EFCAB7: variants seen among roughly 807,000 people sequenced by gnomAD.
The protein encoded by EFCAB7 is EF-hand calcium binding domain 7.
EFCAB7 carries 66 observed loss-of-function variants against 77.1 expected under a neutral mutation model. That is an observed-to-expected ratio of 0.86 (90% CI 0.70 to 1.05). The LOEUF is 1.05. Ranked by LOEUF, EFCAB7 falls within the 50% of genes least tolerant of loss-of-function variation. The pLI is 0.00. For synonymous variants in EFCAB7, 225 were observed against 243.3 expected, an observed-to-expected ratio of 0.92 and a Z score of 0.70; for missense variants, 638 against 730.5, an observed-to-expected ratio of 0.87 and a Z score of 1.46.
intron 1 of EFCAB7, 127 bp from the exon 2 acceptor site, chr1:63,525,445 A>C: frequency 2.9e-6 from 2 of 685,634 alleles, no homozygotes; most frequent in Non-Finnish European, 4.5e-6. Context: ...TGATCTTTTC[A>C]TATATGTTAT....
intron 11 of EFCAB7, among the ~76,000 whole-genome samples, chr1:63,562,449 T>TTATATATATATATA (rs869302346): frequency 7.1e-4 from 16 of 22,456 alleles, no homozygotes; most frequent in East Asian, 1.7e-3. Flanking sequence ...CTTAATTTAT[T>TTATATATATATATA]TATATATATA....
chr1:63,545,852 A>G, intron 6 of EFCAB7, 64 bp from the exon 7 acceptor site: 1 of 1,380,258 alleles, frequency 7.2e-7, no homozygotes, highest in Non-Finnish European at 1.0e-6. Context: ...TTTTCTCCTC[A>G]TTACTATGCA....
At chr1:63,555,284 A>G in intron 8 of EFCAB7, 74 bp from the exon 9 acceptor site, 7 of 1,462,640 alleles carry the variant, frequency 4.8e-6, no homozygotes, top group Non-Finnish European at 5.5e-6. Flanking sequence ...TTCAGAAGAA[A>G]TATTAAAAGC....
In EFCAB7 at chr1:63,531,493, T is replaced by C. The variant is rs189473907; in HGVS notation, c.188-327T>C. ...TGGTTGTTTTTAATCTTGTATTTCC[T>C]TTAGAAGCTTTTAGAAGCTCTTAAG... On this transcript the variant is annotated intron_variant, in intron 2 of 13. Transcript: ENST00000371088. 1.3e-3 allele frequency among the ~76,000 whole-genome samples: 203 copies of C among 152,276 alleles called. 1 individual carries two copies. In the Middle Eastern group the frequency reaches 0.02, roughly 15 times the overall value.
At chr1:63,552,624 G>A (rs1646979749) in intron 8 of EFCAB7, among the ~76,000 whole-genome samples, 1 of 152,140 alleles carries the variant, frequency 6.6e-6, no homozygotes, top group African/African-American at 2.4e-5. Flanking sequence ...TATTTACTCA[G>A]AGGCCAAATA....
chr1:63,575,490 T>A (rs75460053), downstream of EFCAB7, among the ~76,000 whole-genome samples: 2 of 152,140 alleles, frequency 1.3e-5, no homozygotes, highest in African/African-American at 4.8e-5. Context: ...ATGGATAGTA[T>A]TATATTTCTC....
chr1:63,553,023 T>C (rs9436249), intron 8 of EFCAB7, among the ~76,000 whole-genome samples: 7,523 of 152,292 alleles, frequency 0.049, 654 homozygotes, highest in African/African-American at 0.17. Flanking sequence ...AAAATTATAA[T>C]AGAGTTTGCA....
chr1:63,576,778 G>GTGAGCTGAGA (rs1287672545), downstream of EFCAB7, among the ~76,000 whole-genome samples: 1 of 152,106 alleles, frequency 6.6e-6, no homozygotes, highest in Non-Finnish European at 1.5e-5. Context: ...AGAGTTTGCA[G>GTGAGCTGAGA]TGAGCTGAGA....
intron 12 of EFCAB7, 121 bp from the exon 13 acceptor site, chr1:63,570,900 G>A (rs981259919): frequency 4.0e-6 from 2 of 497,572 alleles, no homozygotes; most frequent in African/African-American, 2.0e-5. Flanking sequence ...TAGCCAATTT[G>A]TATGAATTTG....
At chr1:63,569,842 A>G (rs1409345147) in intron 12 of EFCAB7, 1 of 152,142 alleles carries the variant, frequency 6.6e-6, no homozygotes, top group Non-Finnish European at 1.5e-5. Context: ...GGTGATTCCT[A>G]AGATGCATCA....
intron 13 of EFCAB7, among the ~76,000 whole-genome samples, chr1:63,572,008 A>G (rs1416570290): frequency 6.6e-6 from 1 of 152,184 alleles, no homozygotes; most frequent in African/African-American, 2.4e-5. Context: ...CAATAGAGCT[A>G]CCTACTGGGC....
chr1:63,530,836 A>C (rs1457401948), intron 2 of EFCAB7, among the ~76,000 whole-genome samples: 1 of 152,220 alleles, frequency 6.6e-6, no homozygotes, highest in Non-Finnish European at 1.5e-5. Flanking sequence ...GTATTCTTAA[A>C]TGAATGATTT....
intron 1 of EFCAB7, 35 bp from the exon 2 acceptor site, chr1:63,525,537 A>C (rs775096790): frequency 7.0e-7 from 1 of 1,422,130 alleles, no homozygotes; most frequent in Non-Finnish European, 9.2e-7. Flanking sequence ...AGTGACTCAC[A>C]TTGACAAACA....
chr1:63,537,981 GT>G (rs1342151200), intron 6 of EFCAB7, among the ~76,000 whole-genome samples: 2 of 152,034 alleles, frequency 1.3e-5, no homozygotes, highest in African/African-American at 4.8e-5. Flanking sequence ...TGATGTATTT[GT>G]TTTGATAACA....
the EFCAB7 span, among the ~76,000 whole-genome samples, chr1:63,585,283 G>A: frequency 1.3e-5 from 2 of 151,804 alleles, no homozygotes; most frequent in African/African-American, 2.4e-5. Context: ...TCAAATTTAT[G>A]TGCATAGAAT....
chr1:63,571,146 A>G lies in EFCAB7; in HGVS notation c.1815+18A>G, dbSNP rs779771390. 3.2e-6 allele frequency: 5 copies of G among 1,556,190 alleles called. No homozygotes were observed. The highest frequency in any genetic ancestry group is 4.4e-6 in the Non-Finnish European group (5 of 1,142,012). ...CTACAATGGTAATGTATTATTTTCT[A>G]ATTAAAGCCTTTTGTTTTATGTCTT... is the stretch of plus-strand genomic sequence containing the variant. On this transcript the variant is annotated intron_variant, in intron 13 of 13. Coordinates refer to ENST00000371088, the MANE Select transcript of EFCAB7 (RefSeq NM_032437.4).
intron 8 of EFCAB7, 37 bp from the exon 9 acceptor site, chr1:63,555,321 G>T: frequency 6.4e-7 from 1 of 1,573,962 alleles, no homozygotes; most frequent in South Asian, 1.2e-5. Flanking sequence ...AAAAGATTAA[G>T]ACTGATGATT....
chr1:63,532,631 T>C (rs1350719932), intron 3 of EFCAB7, 39 bp from the exon 4 acceptor site: 1 of 1,522,110 alleles, frequency 6.6e-7, no homozygotes, highest in Non-Finnish European at 8.9e-7. Flanking sequence ...AAAGGAGTAA[T>C]CATGTTGCTT....
At chr1:63,525,473 TA>T in intron 1 of EFCAB7, 98 bp from the exon 2 acceptor site, 2 of 1,005,896 alleles carry the variant, frequency 2.0e-6, no homozygotes, top group Non-Finnish European at 2.8e-6. Context: ...CTTCTATGTA[TA>T]AAATCTTGAT....
Sources: allele counts gnomAD v4.1 joint callset (sites outside exome capture counted in the v4.1 genomes callset), GRCh38; gene constraint gnomAD v4.1.1; transcripts MANE v1.5; gene names NCBI Gene and HGNC (gene_info 2026-07-23, HGNC 2026-07-21).